The following REPS1 variants were observed in gnomAD, a reference collection of about 807,000 sequenced individuals.
The protein encoded by REPS1 is RALBP1 associated Eps domain containing 1.
A neutral mutation model predicts 100.9 loss-of-function variants in REPS1; 39 were observed. That is an observed-to-expected ratio of 0.39 (90% confidence interval 0.30 to 0.50). The LOEUF is 0.50. Among genes scored for constraint, REPS1 ranks in the 20% least tolerant of loss-of-function variants. The probability of loss-of-function intolerance (pLI) is 0.86; values close to 1 mark genes in which losing one functional copy is unlikely to be tolerated. For synonymous variants in REPS1, 324 were observed against 340.3 expected (o/e 0.95, Z 0.53); for missense variants, 821 against 968.5 (o/e 0.85, Z 2.02).
intron 1 of REPS1, among the ~76,000 whole-genome samples, chr6:138,969,720 A>C (rs925484081): frequency 3.9e-5 from 6 of 152,084 alleles, no homozygotes; most frequent in African/African-American, 1.4e-4. Context: ...TCAGTTGAAA[A>C]ACTGAAATAA....
chr6:138,945,776 A>G, intron 2 of REPS1, 79 bp from the exon 3 acceptor site: 2 of 1,187,550 alleles, frequency 1.7e-6, no homozygotes, highest in South Asian at 2.0e-5. Context: ...CATGAATTAG[A>G]TATTAGAATT....
intron 1 of REPS1, among the ~76,000 whole-genome samples, chr6:138,985,013 C>T (rs1785174186): frequency 6.6e-6 from 1 of 152,170 alleles, no homozygotes; most frequent in South Asian, 2.1e-4. Flanking sequence ...CCCTTTCTGC[C>T]ACTCAAAGTC....
At chr6:138,952,828 G>GTTTTTTT (rs750091781) in intron 1 of REPS1, among the ~76,000 whole-genome samples, 2 of 145,338 alleles carry the variant, frequency 1.4e-5, no homozygotes, top group Non-Finnish European at 3.1e-5. Flanking sequence ...ATAGTTTTTT[G>GTTTTTTT]TTTTTGTTTT....
At chr6:138,927,345 A>G (rs1350484127) in intron 9 of REPS1, 1 of 152,234 alleles carries the variant, frequency 6.6e-6, no homozygotes, top group African/African-American at 2.4e-5. Flanking sequence ...TATTAATTAC[A>G]GTAAATTCCA....
At chr6:138,987,450 G>T in intron 1 of REPS1, 80 bp downstream of exon 1, 3 of 1,344,196 alleles carry the variant, frequency 2.2e-6, no homozygotes, top group Non-Finnish European at 2.9e-6. Context: ...CGGGCCCCAA[G>T]GAATCGGCGC....
chr6:138,987,499 G>A, intron 1 of REPS1, 31 bp downstream of exon 1: 1 of 1,537,502 alleles, frequency 6.5e-7, no homozygotes, highest in Non-Finnish European at 8.8e-7. Flanking sequence ...GCAGGCCTAA[G>A]CCGCCCGCCG....
chr6:138,960,073 G>T (rs1783641284), intron 1 of REPS1, among the ~76,000 whole-genome samples: 1 of 152,266 alleles, frequency 6.6e-6, no homozygotes, highest in South Asian at 2.1e-4. Flanking sequence ...TTCTGTAGTC[G>T]AGTAAGTTGA....
chr6:138,918,229 G>A (rs1780535389), intron 12 of REPS1, among the ~76,000 whole-genome samples: 1 of 152,082 alleles, frequency 6.6e-6, no homozygotes. Context: ...GGGATTACAG[G>A]TGTGAGCCAC....
At chr6:138,936,755 G>T (rs960774052) in intron 8 of REPS1, among the ~76,000 whole-genome samples, 3 of 152,006 alleles carry the variant, frequency 2.0e-5, no homozygotes, top group African/African-American at 7.3e-5. Flanking sequence ...AAGATTCTAG[G>T]TTATTTGTAC....
chr6:138,907,319 T>TGTGTGTGTGTGG, intron 19 of REPS1, 176 bp downstream of exon 19: 2 of 371,902 alleles, frequency 5.4e-6, no homozygotes, highest in Non-Finnish European at 9.7e-6. Context: ...AAAAAGTGTG[T>TGTGTGTGTGTGG]GTGTGTGTGT....
At chr6:138,966,453 C>CAATGTGTCA (rs1442564753) in intron 1 of REPS1, among the ~76,000 whole-genome samples, 1 of 152,124 alleles carries the variant, frequency 6.6e-6, no homozygotes, top group East Asian at 1.9e-4. Context: ...TGTGCACACA[C>CAATGTGTCA]AATGTGTCAG....
chr6:138,953,789 C>A (rs1471749100), intron 1 of REPS1, among the ~76,000 whole-genome samples: 1 of 151,782 alleles, frequency 6.6e-6, no homozygotes, highest in East Asian at 1.9e-4. Context: ...GTATGAGGTC[C>A]CTCAAAAAGC....
intron 1 of REPS1, among the ~76,000 whole-genome samples, chr6:138,948,968 G>A (rs568073669): frequency 8.5e-5 from 13 of 152,258 alleles, no homozygotes; most frequent in African/African-American, 2.4e-4. Context: ...CTGCCACTAA[G>A]GAGCATGTCC....
intron 1 of REPS1, among the ~76,000 whole-genome samples, chr6:138,964,354 A>G (rs556573150): frequency 6.6e-6 from 1 of 152,288 alleles, no homozygotes; most frequent in South Asian, 2.1e-4. Flanking sequence ...TTAACTGTCT[A>G]TATGTTATGA....
chr6:138,959,806 C>G (rs1204455655), intron 1 of REPS1, among the ~76,000 whole-genome samples: 3 of 152,156 alleles, frequency 2.0e-5, no homozygotes, highest in African/African-American at 7.2e-5. Flanking sequence ...TAGCAAATAC[C>G]TATTATTAGG....
chr6:138,974,016 G>T (rs1784468823), intron 1 of REPS1, among the ~76,000 whole-genome samples: 1 of 152,084 alleles, frequency 6.6e-6, no homozygotes, highest in African/African-American at 2.4e-5. Context: ...CAGTTTTCCA[G>T]GACAGGAACC....
chr6:138,974,963 C>T (rs1208298289), intron 1 of REPS1, among the ~76,000 whole-genome samples: 3 of 151,868 alleles, frequency 2.0e-5, no homozygotes, highest in African/African-American at 7.3e-5. Context: ...CCACCACACT[C>T]CAGCCTGGGT....
At position 138,987,998 on chromosome 6, in the gene REPS1, A is replaced by C; in HGVS notation, c.-316T>G. The C allele has an allele frequency of 2.5e-6, 1 of 393,766 alleles. No individual in the cohort carries two copies. The highest frequency in any genetic ancestry group is 4.5e-6 in the Non-Finnish European group (1 of 223,108). 24.4% of individuals were successfully genotyped at this position (393,766 alleles called of 1,614,324 possible). On this transcript the variant is annotated 5_prime_UTR_variant, in exon 1 of 20. Transcript: ENST00000450536. ...GCAGAGAAAGAGGCGGGGGCCGCGGAGGCGCGAGGCACTGGCGGACTCCGC... is the reference window on the plus strand; with the variant it reads ...GCAGAGAAAGAGGCGGGGGCCGCGGCGGCGCGAGGCACTGGCGGACTCCGC...
At chr6:138,908,634 G>T (rs1779813824) in intron 18 of REPS1, 34 bp downstream of exon 18, 10 of 1,610,346 alleles carry the variant, frequency 6.2e-6, no homozygotes, top group South Asian at 1.1e-5. Context: ...TTTCTTCCTA[G>T]TAATTAAATG....
Sources: gnomAD v4.1 joint callset for allele counts (sites outside exome capture counted in the v4.1 genomes callset) on GRCh38, gnomAD v4.1.1 for gene constraint, MANE v1.5 for transcripts, NCBI Gene and HGNC (gene_info 2026-07-23, HGNC 2026-07-21) for gene names.